The following NOP9 variants were observed in gnomAD, a reference collection of about 807,000 sequenced individuals.
NOP9 encodes the protein nucleolar protein 9.
Under a neutral mutation model 63.0 loss-of-function variants are expected in NOP9, and 50 were observed. The ratio of observed to expected loss-of-function variants is 0.79; its 90% confidence interval spans 0.63 to 1.00. NOP9 has a LOEUF of 1.00. Ranked by LOEUF, NOP9 falls within the 50% of genes least tolerant of loss-of-function variation. The probability of loss-of-function intolerance (pLI) is 0.00; values close to 1 mark genes in which losing one functional copy is unlikely to be tolerated. For synonymous variants in NOP9, 343 were observed against 332.8 expected, an observed-to-expected ratio of 1.03 and a Z score of -0.33; for missense variants, 758 against 803.0, an observed-to-expected ratio of 0.94 and a Z score of 0.68.
At chr14:24,301,467 C>A in intron 2 of NOP9, 145 bp from the exon 3 acceptor site, 1 of 939,798 alleles carries the variant, frequency 1.1e-6, no homozygotes, top group South Asian at 1.8e-5. Context: ...AATGTAGTCT[C>A]AGTTCAGTCA....
intron 3 of NOP9, 33 bp downstream of exon 3, chr14:24,301,755 C>T (rs1372149531): frequency 1.2e-6 from 2 of 1,608,336 alleles, no homozygotes; most frequent in Non-Finnish European, 1.7e-6. Flanking sequence ...GGTCTCGTAT[C>T]TACTTGTCTG....
chr14:24,304,098 C>A lies in NOP9; in HGVS notation c.1468C>A (p.Leu490Ile). ...TGTGACAGTCCTTGGGTCTCTACTG[C>A]TCCAGCATCTGCTGCACTTCTCCAC... ...GDVTVLGSLL[L>I]QHLLHFSTPG... Residue 490 changes from leucine (L) to isoleucine (I), a missense_variant, in exon 8 of 10, where the codon CTC becomes ATC. By Grantham distance (5) the Leu-to-Ile change is conservative. Coordinates refer to ENST00000267425, the MANE Select transcript of NOP9 (RefSeq NM_174913.3). 6.2e-7 allele frequency: 1 copy of A among 1,614,242 alleles called. No homozygotes were observed. The highest frequency in any genetic ancestry group is 2.2e-5 in the East Asian group (1 of 44,890).
the NOP9 span, among the ~76,000 whole-genome samples, chr14:24,278,525 T>C: frequency 2.0e-5 from 3 of 152,058 alleles, no homozygotes; most frequent in Non-Finnish European, 4.4e-5. Flanking sequence ...TGGCGTCTGG[T>C]GAGATTGTTG....
In NOP9 at chr14:24,301,585, C is replaced by T. The variant is rs187305485; in HGVS notation, c.698-27C>T. ...TGGATGGCAGTTTGTGATCTCCCCA[C>T]TGCACATGTTCTTAATCTTCCTTCA... On this transcript the variant is annotated intron_variant, in intron 2 of 9. Transcript: ENST00000267425. 49 of 1,613,616 alleles carry T rather than the reference C, an allele frequency of 3.0e-5. No individual in the cohort carries two copies. In the Admixed American group the frequency reaches 6.3e-4, roughly 21 times the overall value.
At chr14:24,290,198 T>C in the NOP9 span, among the ~76,000 whole-genome samples, 5 of 152,372 alleles carry the variant, frequency 3.3e-5, no homozygotes, top group East Asian at 1.9e-4. Flanking sequence ...GAGTTGTCGG[T>C]GTCACAGCTA....
Position 24,305,842 on chromosome 14 carries a change from T to C in NOP9, c.*747T>C, listed in dbSNP as rs1184059583. 1.9e-6 allele frequency: 3 copies of C among 1,590,848 alleles called. No individual in the cohort carries two copies. The highest frequency in any genetic ancestry group is 1.3e-5 in the African/African-American group (1 of 74,422). On this transcript the variant is annotated 3_prime_UTR_variant, in exon 10 of 10. Coordinates refer to ENST00000267425, the MANE Select transcript of NOP9 (RefSeq NM_174913.3). Reference sequence around the variant, plus strand: ...AGCCATCAAGCTGGGAGATGAGGACTTTCCACAAGCAAGAGCTAACTAGGG... The same window carrying C: ...AGCCATCAAGCTGGGAGATGAGGACCTTCCACAAGCAAGAGCTAACTAGGG...
rs560786384 is a variant in NOP9 at position 24,304,047 on chromosome 14, A to G, written c.1417A>G (p.Met473Val). The G allele has an allele frequency of 2.7e-4, 433 of 1,613,822 alleles. 3 individuals carry two copies. The South Asian group carries it at 3.5e-3, about 13-fold the overall frequency. Residue 473 changes from methionine (M) to valine (V), a missense_variant, in exon 8 of 10, where the codon ATG becomes GTG. Coordinates refer to ENST00000267425, the MANE Select transcript of NOP9 (RefSeq NM_174913.3). ...CTTATCTCTGCGCTGCCAGGTGGCA[A>G]TGGCCGCAGCCAGAGCCTTGGGGGA... ...GAVPAEHQVA[M>V]AAARALGDVT...
In NOP9 at chr14:24,300,433, G is replaced by A; in HGVS notation, c.273G>A (p.Lys91=). 6.2e-7 allele frequency: 1 copy of A among 1,609,324 alleles called. No homozygotes were observed. ...ERDLMVHNIM[K]EVETQALALS... ...ATCTGATGGTGCACAATATAATGAA[G>A]GAAGTAGAGACTCAGGCCCTAGCTT... The change falls in exon 2 of 10, where the codon AAG becomes AAA. Residue 91 remains lysine (K), a synonymous_variant. Coordinates refer to ENST00000267425, the MANE Select transcript of NOP9 (RefSeq NM_174913.3).
the NOP9 span, chr14:24,293,687 C>T: frequency 6.6e-6 from 1 of 151,904 alleles, no homozygotes; most frequent in African/African-American, 2.4e-5. Context: ...CCTGCTGTCA[C>T]CCATATTAAA....
chr14:24,303,135 C>T lies in NOP9; in HGVS notation c.1205C>T (p.Pro402Leu). The T allele has an allele frequency of 6.2e-7, 1 of 1,612,450 alleles. No homozygotes were observed. Among genetic ancestry groups the T allele is most frequent in the Non-Finnish European group, 8.5e-7 (1 of 1,179,272 alleles). Residue 402 changes from proline (P) to leucine (L), a missense_variant, in exon 6 of 10, where the codon CCA becomes CTA. Transcript: ENST00000267425. Reference protein sequence around the residue: ...VLEAVLAQGHPGVVIALVGAC... With the variant: ...VLEAVLAQGHLGVVIALVGAC... ...GAAGCTGTATTGGCCCAGGGCCACC[C>T]AGGGGTAGTCATTGCCCTGGTGGGG...
Position 24,302,348 on chromosome 14 carries a change from T to G in NOP9, c.1067T>G (p.Leu356Arg). The G allele has an allele frequency of 1.2e-6, 2 of 1,614,180 alleles. No homozygotes were observed. The highest frequency in any genetic ancestry group is 1.7e-6 in the Non-Finnish European group (2 of 1,180,020). ...TTTGAGGAGCACTTGCAGGGGCAGC[T>G]GCAGACCCTGGCTGCACATCCCATT... is the stretch of plus-strand genomic sequence containing the variant. ...SLFEEHLQGQ[L>R]QTLAAHPIAN... The change falls in exon 5 of 10, where the codon CTG (leucine) becomes CGG (arginine). Residue 356 changes from leucine (L) to arginine (R), a missense_variant. Coordinates refer to ENST00000267425, the MANE Select transcript of NOP9 (RefSeq NM_174913.3).
chr14:24,306,271 T>A lies in NOP9; in HGVS notation c.*1176T>A, dbSNP rs984910413. 1.9e-5 allele frequency: 30 copies of A among 1,547,994 alleles called. No individual in the cohort carries two copies. Among genetic ancestry groups the A allele is most frequent in the Non-Finnish European group, 2.6e-5 (29 of 1,129,378 alleles). ...GTGACATCCTTGACAATTCCACAAC[T>A]CCTCCTGCACCTGGTCCCCAGGATC... is the stretch of plus-strand genomic sequence containing the variant. On this transcript the variant is annotated 3_prime_UTR_variant, in exon 10 of 10. Coordinates refer to ENST00000267425, the MANE Select transcript of NOP9 (RefSeq NM_174913.3).
chr14:24,279,867 C>T, the NOP9 span, among the ~76,000 whole-genome samples: 12 of 152,278 alleles, frequency 7.9e-5, no homozygotes, highest in South Asian at 1.7e-3. Context: ...GAAGCCCTGA[C>T]GTTCTATGTC....
chr14:24,303,831 G>T lies in NOP9; in HGVS notation c.1384G>T (p.Glu462Ter). The T allele has an allele frequency of 6.2e-7, 1 of 1,614,188 alleles. No homozygotes were observed. Among genetic ancestry groups the T allele is most frequent in the Non-Finnish European group, 8.5e-7 (1 of 1,180,032 alleles). The change falls in exon 7 of 10, where the codon GAG (glutamate) becomes TAG (stop). Residue 462 changes from glutamate to a stop codon, truncating the protein, a stop_gained. Transcript: ENST00000267425. LOFTEE classifies it high-confidence loss of function. ...YEVYYGLTEEEGAVPAEHQVA... is the reference protein window; with the variant it reads ...YEVYYGLTEE ...GGTGTACTATGGACTGACGGAGGAG[G>T]AGGGGGCAGTGCCTGCAGAGCACCA...
chr14:24,307,636 G>T lies in NOP9; in HGVS notation c.*2541G>T. On this transcript the variant is annotated 3_prime_UTR_variant, in exon 10 of 10. Coordinates refer to ENST00000267425, the MANE Select transcript of NOP9 (RefSeq NM_174913.3). The stretch of plus-strand genomic sequence containing the variant: ...GAGAGATCTAGGTTTATCGATTAGG[G>T]ATGAGGGAGAGACCATGGAGTGCAG... The T allele has an allele frequency of 8.1e-7, 1 of 1,230,320 alleles. No individual in the cohort carries two copies. Among genetic ancestry groups the T allele is most frequent in the Non-Finnish European group, 1.2e-6 (1 of 862,698 alleles). 76.2% of individuals were successfully genotyped at this position (1,230,320 alleles called of 1,614,324 possible).
At chr14:24,299,808 G>A, upstream of NOP9, 1 of 1,064,448 alleles carries the variant, frequency 9.4e-7, no homozygotes, top group Non-Finnish European at 1.3e-6. Context: ...CGCCCGGCTG[G>A]GGCGGCGCGG....
At chr14:24,280,613 C>T in the NOP9 span, among the ~76,000 whole-genome samples, 1 of 152,178 alleles carries the variant, frequency 6.6e-6, no homozygotes, top group African/African-American at 2.4e-5. Context: ...AATTATTGAG[C>T]GCCAGTACAG....
At chr14:24,291,538 GC>G in the NOP9 span, 1 of 1,613,886 alleles carries the variant, frequency 6.2e-7, no homozygotes. Context: ...CTTATTACCA[GC>G]TGCCCCCAAA....
chr14:24,273,476 G>A, the NOP9 span, among the ~76,000 whole-genome samples: 1 of 152,178 alleles, frequency 6.6e-6, no homozygotes, highest in African/African-American at 2.4e-5. Context: ...ACCATGCCCC[G>A]CCAGTGCTTT....
Sources: gnomAD v4.1 joint callset for allele counts (sites outside exome capture counted in the v4.1 genomes callset) on GRCh38, gnomAD v4.1.1 for gene constraint, MANE v1.5 for transcripts, NCBI Gene and HGNC (gene_info 2026-07-23, HGNC 2026-07-21) for gene names.